Variants in SYNCRIP observed in about 807,000 individuals in gnomAD.
SYNCRIP encodes heterogeneous nuclear ribonucleoprotein Q.
Under a neutral mutation model 68.9 loss-of-function variants are expected in SYNCRIP, and 9 were observed. That is an observed-to-expected ratio of 0.13 (90% CI 0.08 to 0.23). The LOEUF (loss-of-function observed/expected upper bound fraction) is 0.23. Ranked by LOEUF, SYNCRIP falls within the 10% of genes least tolerant of loss-of-function variation. The pLI is 1.00. For missense variants in SYNCRIP, 414 were observed against 770.6 expected (o/e 0.54, Z 5.48); for synonymous variants, 258 against 254.0 (o/e 1.02, Z -0.15).
chr6:85,637,459 C>T, intron 4 of SYNCRIP, 103 bp from the exon 5 acceptor site: 3 of 728,762 alleles, frequency 4.1e-6, no homozygotes, highest in Non-Finnish European at 6.5e-6. Flanking sequence ...ATTATCTTGG[C>T]ATGTTCCCTT....
chr6:85,614,663 C>T lies in SYNCRIP; in HGVS notation c.*93G>A. Reference sequence around the variant, plus strand: ...ATATATACATAAAGGGAAATCTTGCCAGATGTCACAAATTATAGCGGCACC... The same window carrying T: ...ATATATACATAAAGGGAAATCTTGCTAGATGTCACAAATTATAGCGGCACC... On this transcript the variant is annotated 3_prime_UTR_variant, in exon 11 of 11. Transcript: ENST00000369622. 2 of 1,443,280 alleles carry T rather than the reference C, an allele frequency of 1.4e-6. No homozygotes were observed. Among genetic ancestry groups the T allele is most frequent in the Non-Finnish European group, 1.8e-6 (2 of 1,096,988 alleles). The allele number at this position is 1,443,280 out of a possible 1,614,324, so 89.4% of individuals were successfully genotyped here.
chr6:85,613,190 TA>T (rs1195488649), downstream of SYNCRIP, among the ~76,000 whole-genome samples: 1,068 of 141,238 alleles, frequency 7.6e-3, 4 homozygotes, highest in African/African-American at 0.017. Flanking sequence ...TGATTTTATT[TA>T]AAAAAAAAAA....
intron 4 of SYNCRIP, among the ~76,000 whole-genome samples, chr6:85,637,716 C>G (rs1808620449): frequency 6.6e-6 from 1 of 152,186 alleles, no homozygotes; most frequent in Admixed American, 6.5e-5. Context: ...GGTTGAGCAT[C>G]TTTCAAATCT....
intron 6 of SYNCRIP, among the ~76,000 whole-genome samples, chr6:85,632,415 A>C (rs1488039504): frequency 1.3e-5 from 2 of 152,228 alleles, no homozygotes; most frequent in Non-Finnish European, 2.9e-5. Context: ...GAATCTCAAA[A>C]TGTAACACAG....
chr6:85,635,317 C>G (rs1808312383), intron 6 of SYNCRIP, among the ~76,000 whole-genome samples: 1 of 152,150 alleles, frequency 6.6e-6, no homozygotes, highest in Admixed American at 6.5e-5. Context: ...ACAAAGCACT[C>G]TTTTATGAAG....
At chr6:85,633,080 G>C (rs1236075988) in intron 6 of SYNCRIP, among the ~76,000 whole-genome samples, 1 of 151,382 alleles carries the variant, frequency 6.6e-6, no homozygotes, top group African/African-American at 2.4e-5. Flanking sequence ...GTGAAACCCT[G>C]TCTCTACTAA....
intron 1 of SYNCRIP, among the ~76,000 whole-genome samples, chr6:85,641,804 C>CCT (rs1013266117): frequency 2.0e-5 from 3 of 152,136 alleles, no homozygotes; most frequent in African/African-American, 4.8e-5. Context: ...AAACTGGGCT[C>CCT]CTCTCTCTCA....
downstream of SYNCRIP, chr6:85,612,796 A>G: frequency 1.4e-6 from 2 of 1,470,390 alleles, no homozygotes; most frequent in Non-Finnish European, 1.8e-6. Context: ...ATGCTCCTAT[A>G]CAGCCGACAT....
upstream of SYNCRIP, among the ~76,000 whole-genome samples, chr6:85,643,563 C>T (rs1175173280): frequency 6.6e-6 from 1 of 151,492 alleles, no homozygotes; most frequent in Non-Finnish European, 1.5e-5. Flanking sequence ...CAGCGTGTCC[C>T]ACTCGTTTTC....
chr6:85,615,396 A>G (rs779144984), intron 10 of SYNCRIP, 49 bp from the exon 11 acceptor site: 2 of 1,281,220 alleles, frequency 1.6e-6, no homozygotes, highest in African/African-American at 3.0e-5. Context: ...TTACTTAGTT[A>G]ACAAGTAGGC....
intron 4 of SYNCRIP, among the ~76,000 whole-genome samples, chr6:85,639,199 C>T (rs545459156): frequency 1.3e-5 from 2 of 152,142 alleles, no homozygotes; most frequent in African/African-American, 4.8e-5. Flanking sequence ...CAGAGTAAGA[C>T]TCTGTCTCCC....
chr6:85,614,656 A>C lies in SYNCRIP; in HGVS notation c.*100T>G. ...TGTTAAAATATATACATAAAGGGAA[A>C]TCTTGCCAGATGTCACAAATTATAG... is the stretch of plus-strand genomic sequence containing the variant. On this transcript the variant is annotated 3_prime_UTR_variant, in exon 11 of 11. Transcript: ENST00000369622. The C allele has an allele frequency of 2.1e-6, 3 of 1,433,278 alleles. No individual in the cohort carries two copies. The highest frequency in any genetic ancestry group is 2.7e-6 in the Non-Finnish European group (3 of 1,091,986). 88.8% of individuals were successfully genotyped at this position (1,433,278 alleles called of 1,614,324 possible). A position where few individuals can be genotyped will look rare whatever the true frequency, so the allele number is the denominator to read the frequency against.
chr6:85,629,789 T>G (rs989667502), intron 6 of SYNCRIP, among the ~76,000 whole-genome samples: 29 of 151,836 alleles, frequency 1.9e-4, no homozygotes, highest in Admixed American at 1.6e-3. Flanking sequence ...GCCACTGCAA[T>G]CCAGCCTGGG....
In SYNCRIP at chr6:85,621,163, C is replaced by T. The variant is rs930688809; in HGVS notation, c.1008+1319G>A. On this transcript the variant is annotated intron_variant, in intron 8 of 10. Coordinates refer to ENST00000369622, the MANE Select transcript of SYNCRIP (RefSeq NM_006372.5). ...TGCTAACCCAATGAGAATTTATAGG[C>T]CAGAGGAAAAATGAATCCTAACTAT... Among the ~76,000 whole-genome samples, 4 of 152,142 alleles carry T rather than the reference C, an allele frequency of 2.6e-5. No individual in the cohort carries two copies. In the East Asian group the frequency reaches 7.7e-4, roughly 29 times the overall value.
At chr6:85,642,010 C>G (rs1420515026) in intron 1 of SYNCRIP, among the ~76,000 whole-genome samples, 1 of 152,024 alleles carries the variant, frequency 6.6e-6, no homozygotes, top group Non-Finnish European at 1.5e-5. Context: ...GCCAGGAGCC[C>G]ATTAGAAACA....
chr6:85,637,454 C>A (rs1291145739), intron 4 of SYNCRIP, 98 bp from the exon 5 acceptor site: 1 of 776,338 alleles, frequency 1.3e-6, no homozygotes, highest in Middle Eastern at 3.8e-4. Context: ...TTCCAATTAT[C>A]TTGGCATGTT....
intron 6 of SYNCRIP, among the ~76,000 whole-genome samples, chr6:85,631,277 T>C (rs926746271): frequency 4.9e-5 from 7 of 142,236 alleles, no homozygotes; most frequent in Non-Finnish European, 7.5e-5. Context: ...AGGCAGAGGG[T>C]GCAGTGAGCT....
intron 8 of SYNCRIP, among the ~76,000 whole-genome samples, chr6:85,620,563 A>G (rs995073558): frequency 1.3e-5 from 2 of 152,232 alleles, no homozygotes; most frequent in Non-Finnish European, 2.9e-5. Context: ...ACTATTCTGT[A>G]TAATACTATG....
chr6:85,642,762 C>G (rs1417242877), intron 1 of SYNCRIP, 35 bp downstream of exon 1: 1 of 152,898 alleles, frequency 6.5e-6, no homozygotes, highest in African/African-American at 2.4e-5. Context: ...TGTCATGGAG[C>G]TCCCCTCCCA....
Sources: allele counts gnomAD v4.1 joint callset (sites outside exome capture counted in the v4.1 genomes callset), GRCh38; gene constraint gnomAD v4.1.1; transcripts MANE v1.5; gene names NCBI Gene and HGNC (gene_info 2026-07-23, HGNC 2026-07-21).